Variants in LARP1 observed in about 807,000 individuals in gnomAD.
LARP1 encodes La ribonucleoprotein 1, translational regulator.
In LARP1, 36 loss-of-function variants were observed where a neutral mutation model predicts 122.7. The ratio of observed to expected loss-of-function variants is 0.29; its 90% CI spans 0.22 to 0.39. The LOEUF (loss-of-function observed/expected upper bound fraction) is 0.39, where lower values mean the gene tolerates loss of function less well. LARP1 is among the 10% of genes least tolerant of loss of function. LARP1 has a pLI of 1.00. For missense variants in LARP1, 1,040 were observed against 1,403.6 expected (o/e 0.74, Z 4.14); for synonymous variants, 539 against 528.7 (o/e 1.02, Z -0.27).
At chr5:154,704,352 A>C (rs1332277734) in intron 1 of LARP1, among the ~76,000 whole-genome samples, 1 of 152,132 alleles carries the variant, frequency 6.6e-6, no homozygotes, top group Non-Finnish European at 1.5e-5. Context: ...TGCTGGTCAA[A>C]GAATAGGGAA....
In LARP1 at chr5:154,732,189, CA is replaced by C. The variant is rs767228522; in HGVS notation, c.205+19075del. 6.3e-3 allele frequency among the ~76,000 whole-genome samples: 247 copies of C among 39,196 alleles called. 2 individuals carry two copies. Among genetic ancestry groups the C allele is most frequent in the African/African-American group, 0.015 (234 of 15,408 alleles). The allele number at this position is 39,196 out of a possible 152,430, so 25.7% of individuals were successfully genotyped here. A position where few individuals can be genotyped will look rare whatever the true frequency, so the allele number is the denominator to read the frequency against. ...TAAAACAAAACAAAACAAAACAAAA[CA>C]AAAAAAAAAAAAAAAGAAAGGTGAA... On this transcript the variant is annotated intron_variant, in intron 1 of 18. Transcript: ENST00000336314.
At chr5:154,684,393 G>A (rs552919090) in intron 1 of LARP1, among the ~76,000 whole-genome samples, 1 of 152,210 alleles carries the variant, frequency 6.6e-6, no homozygotes, top group South Asian at 2.1e-4. Flanking sequence ...CTGTGTTTGT[G>A]CCCCTATACT....
intron 1 of LARP1, among the ~76,000 whole-genome samples, chr5:154,787,145 C>T (rs979590257): frequency 1.3e-5 from 2 of 152,222 alleles, no homozygotes; most frequent in African/African-American, 4.8e-5. Flanking sequence ...TCCCAAAGTG[C>T]TGGGATTACA....
At chr5:154,754,521 G>GA (rs1330820506), upstream of LARP1, among the ~76,000 whole-genome samples, 1 of 151,696 alleles carries the variant, frequency 6.6e-6, no homozygotes, top group African/African-American at 2.4e-5. Flanking sequence ...CAATTCTTTA[G>GA]AAAAAAAACG....
At position 154,802,451 on chromosome 5, in the gene LARP1, C is replaced by T. The variant is rs1156495250; in HGVS notation, c.2109+52C>T. 10 of 1,515,184 alleles carry T rather than the reference C, an allele frequency of 6.6e-6. No homozygotes were observed. Among genetic ancestry groups the T allele is most frequent in the South Asian group, 3.9e-5 (3 of 76,214 alleles). 93.9% of individuals were successfully genotyped at this position (1,515,184 alleles called of 1,614,324 possible). On this transcript the variant is annotated intron_variant, in intron 11 of 18. Transcript: ENST00000518297. The surrounding 1 kb of genome is among the most constrained non-coding windows in gnomAD (Gnocchi z 5.1). ...TGGAGCCTGGTGTGCCTGTATTGTA[C>T]GGAGAAGAGGAAGCCTGATTAGCTG... is the stretch of plus-strand genomic sequence containing the variant.
At chr5:154,792,553 G>A (rs975706181) in intron 3 of LARP1, 69 bp from the exon 4 acceptor site, 4 of 1,413,082 alleles carry the variant, frequency 2.8e-6, no homozygotes, top group East Asian at 4.6e-5. Flanking sequence ...CTAGTGACAG[G>A]GAGTGCCTTC....
intron 1 of LARP1, among the ~76,000 whole-genome samples, chr5:154,692,022 C>T (rs1034746818): frequency 6.6e-6 from 1 of 152,128 alleles, no homozygotes; most frequent in Non-Finnish European, 1.5e-5. Context: ...GAACATCTGA[C>T]CTCAGGCGAT....
At chr5:154,736,404 A>T (rs1756900391) in intron 1 of LARP1, among the ~76,000 whole-genome samples, 1 of 150,788 alleles carries the variant, frequency 6.6e-6, no homozygotes, top group South Asian at 2.1e-4. Flanking sequence ...CAAGTTTTTA[A>T]ATTTTTTGTA....
At chr5:154,721,524 G>T (rs916687783) in intron 1 of LARP1, among the ~76,000 whole-genome samples, 1 of 152,086 alleles carries the variant, frequency 6.6e-6, no homozygotes, top group East Asian at 1.9e-4. Flanking sequence ...GGGTGTAGGG[G>T]AGGCCAGGGA....
chr5:154,754,908 G>T (rs1753707187), upstream of LARP1, among the ~76,000 whole-genome samples: 1 of 152,174 alleles, frequency 6.6e-6, no homozygotes, highest in African/African-American at 2.4e-5. Flanking sequence ...TGACACTAAT[G>T]GCTCCTTCCC....
chr5:154,808,168 C>T (rs1442003272), intron 15 of LARP1, among the ~76,000 whole-genome samples: 3 of 152,156 alleles, frequency 2.0e-5, no homozygotes, highest in Non-Finnish European at 4.4e-5. Context: ...CTTGTCTCGA[C>T]GGCACTTGAA....
chr5:154,727,163 A>G (rs943438886), intron 1 of LARP1, among the ~76,000 whole-genome samples: 3 of 152,174 alleles, frequency 2.0e-5, no homozygotes, highest in Admixed American at 6.6e-5. Flanking sequence ...GGGAGGGGAG[A>G]AGAGATGACA....
intron 3 of LARP1, among the ~76,000 whole-genome samples, chr5:154,791,102 C>T (rs560572171): frequency 5.3e-5 from 8 of 151,912 alleles, no homozygotes; most frequent in African/African-American, 1.7e-4. Context: ...CAGGCATGAG[C>T]CACCGTGCCC....
At position 154,722,713 on chromosome 5, in the gene LARP1, C is replaced by G. The variant is rs796234982; in HGVS notation, c.205+9583C>G. Reference sequence around the variant, plus strand: ...TTTTTTTTTTTGAGACGGAGTCTCACTCTATCGCCCAGGCTGGAGTGCAGT... The same window carrying G: ...TTTTTTTTTTTGAGACGGAGTCTCAGTCTATCGCCCAGGCTGGAGTGCAGT... On this transcript the variant is annotated intron_variant, in intron 1 of 18. Coordinates refer to the LARP1 transcript ENST00000336314. Among the ~76,000 whole-genome samples the G allele has an allele frequency of 1.0e-4, 14 of 135,890 alleles. 1 individual carries two copies. Among genetic ancestry groups the G allele is most frequent in the African/African-American group, 3.6e-4 (13 of 35,738 alleles). The allele number at this position is 135,890 out of a possible 152,430, so 89.1% of individuals were successfully genotyped here. A position where few individuals can be genotyped will look rare whatever the true frequency, so the allele number is the denominator to read the frequency against.
intron 18 of LARP1, among the ~76,000 whole-genome samples, chr5:154,812,566 C>T (rs1296780490): frequency 1.5e-5 from 2 of 136,786 alleles, no homozygotes; most frequent in African/African-American, 5.5e-5. Context: ...GTCACCCAGG[C>T]TAGAGTGCAG....
Position 154,792,609 on chromosome 5 carries a change from CT to C in LARP1, c.565-11del. 6.2e-7 allele frequency: 1 copy of C among 1,612,896 alleles called. No homozygotes were observed. ...TCACACTCACCTCACTGTTACTTTA[CT>C]TCCTGCTATAGCCACAGTCCCACAA... On this transcript the variant is annotated splice_polypyrimidine_tract_variant and intron_variant, in intron 3 of 18. Transcript: ENST00000518297.
intron 1 of LARP1, among the ~76,000 whole-genome samples, chr5:154,726,746 C>T (rs1756238641): frequency 6.6e-6 from 1 of 152,148 alleles, no homozygotes; most frequent in Non-Finnish European, 1.5e-5. Flanking sequence ...AGACCTGAGA[C>T]TGGGTAATTT....
chr5:154,712,623 G>A (rs2113297267), upstream of LARP1, among the ~76,000 whole-genome samples: 1 of 152,272 alleles, frequency 6.6e-6, no homozygotes, highest in African/African-American at 2.4e-5. Flanking sequence ...GAGTGGAGGT[G>A]AGGAAGGAAG....
rs141227099 is a variant in LARP1 at position 154,683,324 on chromosome 5, T to C, written c.-180+287T>C. 3.7e-4 allele frequency among the ~76,000 whole-genome samples: 57 copies of C among 152,342 alleles called. No homozygotes were observed. In the East Asian group the frequency reaches 0.011, roughly 29 times the overall value. On this transcript the variant is annotated intron_variant, in intron 1 of 18. Transcript: ENST00000687700. The stretch of plus-strand genomic sequence containing the variant: ...GGACAGATCTGGCCGGCACCTGATA[T>C]TTATTTGGCTCACACAGTGTTGTGT...
Sources: allele counts gnomAD v4.1 joint callset (sites outside exome capture counted in the v4.1 genomes callset), GRCh38; gene constraint gnomAD v4.1.1; non-coding constraint Gnocchi (gnomAD v3.1); transcripts MANE v1.5; gene names NCBI Gene and HGNC (gene_info 2026-07-23, HGNC 2026-07-21).